Variants in TEAD2 observed in about 807,000 individuals in gnomAD.
TEAD2 encodes the protein transcriptional enhancer factor TEF-4.
TEAD2 carries 51 observed loss-of-function variants against 61.4 expected under a neutral mutation model. That is an observed-to-expected ratio of 0.83 (90% CI 0.66 to 1.05). The LOEUF (loss-of-function observed/expected upper bound fraction) is 1.05, where lower values mean the gene tolerates loss of function less well. TEAD2 is among the 50% of genes least tolerant of loss of function. TEAD2 has a pLI of 0.00. For synonymous variants in TEAD2, 244 were observed against 243.2 expected, an observed-to-expected ratio of 1.00 and a Z score of -0.03; for missense variants, 509 against 600.0, an observed-to-expected ratio of 0.85 and a Z score of 1.58.
In TEAD2 at chr19:49,345,322, CTTTCT is replaced by C. The variant is rs564622889; in HGVS notation, c.921+1863_921+1867del. Among the ~76,000 whole-genome samples the C allele has an allele frequency of 2.0e-4, 31 of 151,950 alleles. 1 individual carries two copies. The South Asian group carries it at 6.5e-3, about 32-fold the overall frequency. ...TCCTTCCTTCCTTCTTTCTTTCCTT[CTTTCT>C]TTTCTTTCCTTTCTTTCCTTCTTCC... On this transcript the variant is annotated intron_variant, in intron 10 of 12. Transcript: ENST00000593945.
intron 8 of TEAD2, chr19:49,349,115 C>G (rs1971839629): frequency 3.0e-6 from 1 of 336,374 alleles, no homozygotes; most frequent in Non-Finnish European, 5.4e-6. Context: ...TGGCCAAGTC[C>G]TGCTTGGGAG....
chr19:49,354,466 C>T (rs1488959240), intron 7 of TEAD2, among the ~76,000 whole-genome samples: 2 of 150,308 alleles, frequency 1.3e-5, no homozygotes, highest in South Asian at 2.1e-4. Context: ...ATTGTGCCAC[C>T]GCACCCCAGC....
chr19:49,348,577 T>C (rs1033001738), intron 9 of TEAD2, 126 bp downstream of exon 9: 1 of 915,424 alleles, frequency 1.1e-6, no homozygotes, highest in African/African-American at 1.7e-5. Flanking sequence ...GCAATCTCTG[T>C]TTTAAGAAGC....
At chr19:49,345,647 C>T (rs999037960) in intron 10 of TEAD2, among the ~76,000 whole-genome samples, 1 of 152,142 alleles carries the variant, frequency 6.6e-6, no homozygotes, top group Non-Finnish European at 1.5e-5. Flanking sequence ...AACCACCACA[C>T]CTAGCCAGGC....
At chr19:49,344,844 T>G (rs1407816937) in intron 10 of TEAD2, among the ~76,000 whole-genome samples, 1 of 152,110 alleles carries the variant, frequency 6.6e-6, no homozygotes, top group African/African-American at 2.4e-5. Context: ...AGTGGCCAAG[T>G]GTGTGTAGAC....
At chr19:49,361,002 AG>A (rs1972847347) in intron 1 of TEAD2, among the ~76,000 whole-genome samples, 1 of 42,672 alleles carries the variant, frequency 2.3e-5, no homozygotes. Context: ...GACAGAGACC[AG>A]AGGGAGGGGG....
intron 10 of TEAD2, among the ~76,000 whole-genome samples, 160 bp downstream of exon 10, chr19:49,347,030 T>A (rs1971690757): frequency 6.6e-6 from 1 of 152,166 alleles, no homozygotes; most frequent in African/African-American, 2.4e-5. Flanking sequence ...TCCTCGGTGT[T>A]CCTTGTTGCA....
chr19:49,357,613 T>TGA (rs1460319218), intron 3 of TEAD2: 16 of 512,984 alleles, frequency 3.1e-5, no homozygotes, highest in Non-Finnish European at 5.3e-5. Flanking sequence ...ACAGGCACAG[T>TGA]GAGAGCACAC....
intron 7 of TEAD2, 86 bp downstream of exon 7, chr19:49,355,062 C>T: frequency 6.2e-5 from 52 of 837,616 alleles, no homozygotes; most frequent in Non-Finnish European, 9.8e-5. Flanking sequence ...TGGGGGGACA[C>T]AGGAGCTAGA....
rs115887387 is a variant in TEAD2, at chr19:49,351,459, G to T, written c.540-94C>A. ...GAGAGGCCACAACAAGCAAGACCCTGTGCATTTTGTGCACAATCTCACTGA... is the reference window on the plus strand; with the variant it reads ...GAGAGGCCACAACAAGCAAGACCCTTTGCATTTTGTGCACAATCTCACTGA... On this transcript the variant is annotated intron_variant, in intron 7 of 12. Transcript: ENST00000593945. The T allele has an allele frequency of 7.2e-4, 822 of 1,148,252 alleles. 3 individuals are homozygous for T. The African/African-American group carries it at 0.012, about 17-fold the overall frequency. 71.1% of individuals were successfully genotyped at this position (1,148,252 alleles called of 1,614,324 possible). A position where few individuals can be genotyped will look rare whatever the true frequency, so the allele number is the denominator to read the frequency against.
rs1600800278 is a variant in TEAD2 at position 49,360,180 on chromosome 19, G to C, written c.-6-99C>G. 2.0e-5 allele frequency: 19 copies of C among 944,400 alleles called. No homozygotes were observed. In the East Asian group the frequency reaches 5.0e-4, roughly 25 times the overall value. The allele number at this position is 944,400 out of a possible 1,614,324, so 58.5% of individuals were successfully genotyped here. On this transcript the variant is annotated intron_variant, in intron 1 of 12. Coordinates refer to ENST00000593945, the MANE Select transcript of TEAD2 (RefSeq NM_001256660.2). ...ACTCTGGACCACTGGGTCTGAGGGA[G>C]GAGGGGCTGGGGACCTGGACTCCTG...
intron 9 of TEAD2, among the ~76,000 whole-genome samples, 193 bp downstream of exon 9, chr19:49,348,510 G>A (rs1971794769): frequency 6.6e-6 from 1 of 152,026 alleles, no homozygotes; most frequent in Non-Finnish European, 1.5e-5. Context: ...AACGCACCTG[G>A]TAGCTTATTA....
In TEAD2 at chr19:49,355,369, A is replaced by G. The variant is rs1874950678; in HGVS notation, c.423T>C (p.Ser141=). The G allele has an allele frequency of 6.2e-7, 1 of 1,614,122 alleles. No homozygotes were observed. Among genetic ancestry groups the G allele is most frequent in the Admixed American group, 1.7e-5 (1 of 59,998 alleles). ...KAFQTMATMS[S]AQLISAPSLQ... ...GAGAAGGCGCGGAGATGAGCTGGGC[A>G]GAGGACATGGTTGCCATTGTCTGGA... Residue 141 remains serine (S), a synonymous_variant, in exon 6 of 13, where the codon TCT becomes TCC. Transcript: ENST00000593945.
intron 8 of TEAD2, among the ~76,000 whole-genome samples, chr19:49,349,963 T>C (rs1454726050): frequency 6.6e-6 from 1 of 152,232 alleles, no homozygotes; most frequent in African/African-American, 2.4e-5. Context: ...TCCAGGCTTT[T>C]TGTTGCATGG....
Position 49,341,090 on chromosome 19 carries a change from C to T in TEAD2, c.*234G>A. 2.0e-6 allele frequency: 1 copy of T among 492,208 alleles called. No homozygotes were observed. Among genetic ancestry groups the T allele is most frequent in the Non-Finnish European group, 3.7e-6 (1 of 270,324 alleles). 30.5% of individuals were successfully genotyped at this position (492,208 alleles called of 1,614,324 possible). A position where few individuals can be genotyped will look rare whatever the true frequency, so the allele number is the denominator to read the frequency against. On this transcript the variant is annotated 3_prime_UTR_variant, in exon 13 of 13. Transcript: ENST00000593945. This position sits in a 1 kb window ranked among gnomAD's most constrained non-coding sequence, Gnocchi z 4.2. ...GGAGTGATCTGTCCTTTCAGACACC[C>T]ACTGTGAGGTCCCAATATCGGGGTT...
chr19:49,360,919 A>G (rs114161940), intron 1 of TEAD2, among the ~76,000 whole-genome samples: 2,108 of 87,530 alleles, frequency 0.024, 99 homozygotes, highest in African/African-American at 0.095. Flanking sequence ...CAGAGAGAGA[A>G]GGGGACAGAG....
At chr19:49,356,114 C>T in intron 4 of TEAD2, 144 bp from the exon 5 acceptor site, 1 of 581,350 alleles carries the variant, frequency 1.7e-6, no homozygotes. Flanking sequence ...GATGGATGCG[C>T]AACAGGAAGT....
At chr19:49,356,499 G>A (rs2146567544) in intron 4 of TEAD2, among the ~76,000 whole-genome samples, 1 of 152,054 alleles carries the variant, frequency 6.6e-6, no homozygotes, top group East Asian at 1.9e-4. Flanking sequence ...CAGGAACCAG[G>A]AAATCCAAAG....
At chr19:49,355,443 T>C (rs760078186) in intron 5 of TEAD2, 24 bp from the exon 6 acceptor site, 24 of 1,595,480 alleles carry the variant, frequency 1.5e-5, no homozygotes, top group East Asian at 6.7e-5. Flanking sequence ...CGGAAGTTCA[T>C]GTGAGAGGGG....
Sources: allele counts gnomAD v4.1 joint callset (sites outside exome capture counted in the v4.1 genomes callset), GRCh38; gene constraint gnomAD v4.1.1; non-coding constraint Gnocchi (gnomAD v3.1); transcripts MANE v1.5; gene names NCBI Gene and HGNC (gene_info 2026-07-23, HGNC 2026-07-21).